Variants in OSBPL9 observed in about 807,000 individuals in gnomAD.
The protein encoded by OSBPL9 is oxysterol-binding protein-related protein 9.
OSBPL9 carries 40 observed loss-of-function variants against 106.6 expected under a neutral mutation model. That is an observed-to-expected ratio of 0.38 (90% confidence interval 0.29 to 0.49). The LOEUF (loss-of-function observed/expected upper bound fraction) is 0.49. Ranked by LOEUF, OSBPL9 falls within the 20% of genes least tolerant of loss-of-function variation. The pLI is 0.97. For missense variants in OSBPL9, 609 were observed against 887.2 expected, an observed-to-expected ratio of 0.69 and a Z score of 3.98; for synonymous variants, 269 against 295.4, an observed-to-expected ratio of 0.91 and a Z score of 0.92.
At chr1:51,699,016 T>C (rs1656676973) in intron 3 of OSBPL9, among the ~76,000 whole-genome samples, 1 of 152,158 alleles carries the variant, frequency 6.6e-6, no homozygotes, top group Admixed American at 6.5e-5. Flanking sequence ...GTAGATTAGA[T>C]TGGTCAGAAT....
At chr1:51,686,740 A>G (rs575241065) in intron 3 of OSBPL9, among the ~76,000 whole-genome samples, 1 of 152,188 alleles carries the variant, frequency 6.6e-6, no homozygotes, top group Admixed American at 6.5e-5. Context: ...AGGCCTAGGG[A>G]TGCTCCCCGT....
chr1:51,656,660 C>T (rs1646835556), intron 2 of OSBPL9, among the ~76,000 whole-genome samples: 1 of 148,178 alleles, frequency 6.7e-6, no homozygotes, highest in Non-Finnish European at 1.5e-5. Context: ...CCTCCCCCTC[C>T]TCGCTCTCCC....
chr1:51,571,570 G>A, the OSBPL9 span, among the ~76,000 whole-genome samples: 17 of 152,164 alleles, frequency 1.1e-4, no homozygotes, highest in African/African-American at 4.1e-4. Flanking sequence ...CAGAGGCTGA[G>A]GTGGGAGAAG....
intron 3 of OSBPL9, among the ~76,000 whole-genome samples, chr1:51,689,676 T>C (rs1654560116): frequency 6.6e-6 from 1 of 152,230 alleles, no homozygotes; most frequent in Non-Finnish European, 1.5e-5. Context: ...TCAGGATTAG[T>C]TGAGTCTGAG....
At chr1:51,592,498 T>G (rs542640328) in intron 1 of OSBPL9, among the ~76,000 whole-genome samples, 1 of 152,302 alleles carries the variant, frequency 6.6e-6, no homozygotes, top group African/African-American at 2.4e-5. Context: ...GTGTCAAGAT[T>G]CAGTCCAATA....
chr1:51,527,304 C>T, the OSBPL9 span, among the ~76,000 whole-genome samples: 1 of 151,698 alleles, frequency 6.6e-6, no homozygotes, highest in East Asian at 1.9e-4. Flanking sequence ...AAGTGCTCAG[C>T]AAATGGGGAC....
At chr1:51,553,574 C>T in the OSBPL9 span, among the ~76,000 whole-genome samples, 1 of 151,976 alleles carries the variant, frequency 6.6e-6, no homozygotes, top group East Asian at 1.9e-4. Flanking sequence ...CAGTAGCTCC[C>T]TTCTAGATCA....
intron 4 of OSBPL9, among the ~76,000 whole-genome samples, chr1:51,717,878 G>A (rs1289760383): frequency 6.6e-6 from 1 of 152,042 alleles, no homozygotes; most frequent in Non-Finnish European, 1.5e-5. Flanking sequence ...CAAAAGAAAG[G>A]CAATCAATAT....
the OSBPL9 span, among the ~76,000 whole-genome samples, chr1:51,551,995 G>GTGTT: frequency 6.6e-6 from 1 of 151,858 alleles, no homozygotes; most frequent in Non-Finnish European, 1.5e-5. Flanking sequence ...GTGTGTGTGT[G>GTGTT]TGTGTTTAGT....
At chr1:51,536,108 A>G in the OSBPL9 span, among the ~76,000 whole-genome samples, 4 of 152,262 alleles carry the variant, frequency 2.6e-5, no homozygotes, top group East Asian at 7.7e-4. Context: ...ATATACCTAC[A>G]TACCCACTCA....
chr1:51,659,037 T>C (rs1646984193), intron 2 of OSBPL9, among the ~76,000 whole-genome samples: 1 of 152,126 alleles, frequency 6.6e-6, no homozygotes, highest in African/African-American at 2.4e-5. Flanking sequence ...TAGTGCTCTA[T>C]TTTATGAATG....
At chr1:51,557,480 C>T in the OSBPL9 span, among the ~76,000 whole-genome samples, 1 of 152,154 alleles carries the variant, frequency 6.6e-6, no homozygotes, top group Non-Finnish European at 1.5e-5. Flanking sequence ...GCCCCCATTG[C>T]CCTTACATTA....
the OSBPL9 span, among the ~76,000 whole-genome samples, chr1:51,535,537 T>TTTA: frequency 2.0e-5 from 3 of 152,150 alleles, no homozygotes; most frequent in African/African-American, 7.2e-5. Flanking sequence ...TCATCTATGC[T>TTTA]TTATTATTAT....
rs148988072 is a variant in OSBPL9, at chr1:51,783,868, G to C, written c.1514-47G>C. ...TCCCCAGGTTATGTGATTTTGGAGA[G>C]GTGGCTGTAGGTATATATAATCTAC... On this transcript the variant is annotated intron_variant, in intron 17 of 23. Transcript: ENST00000428468. 9 of 1,348,710 alleles carry C rather than the reference G, an allele frequency of 6.7e-6. 1 individual carries two copies. The African/African-American group carries it at 1.0e-4, about 15-fold the overall frequency. 83.5% of individuals were successfully genotyped at this position (1,348,710 alleles called of 1,614,324 possible). A position where few individuals can be genotyped will look rare whatever the true frequency, so the allele number is the denominator to read the frequency against.
upstream of OSBPL9, among the ~76,000 whole-genome samples, chr1:51,572,259 G>A (rs1172414983): frequency 6.6e-6 from 1 of 152,074 alleles, no homozygotes; most frequent in African/African-American, 2.4e-5. Flanking sequence ...GCGGACAAAA[G>A]CTTTCTCAGA....
intron 1 of OSBPL9, among the ~76,000 whole-genome samples, chr1:51,633,316 A>C (rs978101412): frequency 6.6e-6 from 1 of 151,366 alleles, no homozygotes; most frequent in Non-Finnish European, 1.5e-5. Flanking sequence ...AACACCTGTA[A>C]ACCTAGCACT....
the OSBPL9 span, among the ~76,000 whole-genome samples, chr1:51,548,359 A>G: frequency 1.0e-3 from 144 of 144,398 alleles, 1 homozygote; most frequent in Admixed American, 1.4e-3. Context: ...TTGGCCTCCT[A>G]AAGTGCTGAG....
At chr1:51,675,283 G>T (rs1650902262) in intron 3 of OSBPL9, among the ~76,000 whole-genome samples, 1 of 152,132 alleles carries the variant, frequency 6.6e-6, no homozygotes, top group Non-Finnish European at 1.5e-5. Flanking sequence ...CTTAGTTCCA[G>T]ACAGTTGTAG....
chr1:51,600,616 A>G (rs1645321730), intron 2 of OSBPL9, among the ~76,000 whole-genome samples: 3 of 152,124 alleles, frequency 2.0e-5, no homozygotes, highest in South Asian at 4.1e-4. Flanking sequence ...CACTGTGCCT[A>G]CTGTGCCTAA....
Sources: gnomAD v4.1 joint callset for allele counts (sites outside exome capture counted in the v4.1 genomes callset) on GRCh38, gnomAD v4.1.1 for gene constraint, MANE v1.5 for transcripts, NCBI Gene and HGNC (gene_info 2026-07-23, HGNC 2026-07-21) for gene names.